Variants in TNNT2 observed in about 807,000 individuals in gnomAD.
TNNT2 encodes troponin T2, cardiac type.
A neutral mutation model predicts 62.4 loss-of-function variants in TNNT2; 34 were observed. The ratio of observed to expected loss-of-function variants is 0.54; its 90% CI spans 0.41 to 0.72. The LOEUF (loss-of-function observed/expected upper bound fraction) is 0.72, where lower values mean the gene tolerates loss of function less well. TNNT2 is among the 30% of genes least tolerant of loss of function. The probability of loss-of-function intolerance (pLI) is 0.00; values close to 1 mark genes in which losing one functional copy is unlikely to be tolerated. For missense variants in TNNT2, 275 were observed against 381.9 expected, an observed-to-expected ratio of 0.72 and a Z score of 2.33; for synonymous variants, 123 against 127.2, an observed-to-expected ratio of 0.97 and a Z score of 0.22.
intron 16 of TNNT2, 79 bp from the exon 17 acceptor site, chr1:201,359,334 G>A: frequency 5.2e-6 from 8 of 1,544,652 alleles, no homozygotes; most frequent in African/African-American, 1.4e-5. Context: ...TAGGACTGGG[G>A]TGCCAAAGGG....
At position 201,361,858 on chromosome 1, in the gene TNNT2, C is replaced by A. The variant is rs1571604401; in HGVS notation, c.719+55G>T. ...ACAGCAAGAAGTGCCCTTGGCCCGA[C>A]CCCTCCCAGAGCAGATGCGGGCAGT... On this transcript the variant is annotated intron_variant, in intron 14 of 16. Transcript: ENST00000656932. 10 of 1,526,782 alleles carry A rather than the reference C, an allele frequency of 6.5e-6. No homozygotes were observed. The East Asian group carries it at 1.8e-4, about 27-fold the overall frequency. 94.6% of individuals were successfully genotyped at this position (1,526,782 alleles called of 1,614,324 possible).
rs2102272131 is a variant in TNNT2 at position 201,366,587 on chromosome 1, C to T, written c.233+251G>A. On this transcript the variant is annotated intron_variant, in intron 8 of 16. Transcript: ENST00000656932. ...AGAGTGTCCGTTCAGGGCCCTTCCT[C>T]TAGAAGAACATAGCCCCATCCCTGC... 13 of 1,399,512 alleles carry T rather than the reference C, an allele frequency of 9.3e-6. No individual in the cohort carries two copies. The Middle Eastern group carries it at 1.3e-3, about 145-fold the overall frequency. 86.7% of individuals were successfully genotyped at this position (1,399,512 alleles called of 1,614,324 possible). A position where few individuals can be genotyped will look rare whatever the true frequency, so the allele number is the denominator to read the frequency against.
chr1:201,373,258 C>A lies in TNNT2; in HGVS notation c.-4G>T, dbSNP rs1223074484. ...CCACCTCTTCTATGTCAGACATGGT[C>A]TCTGCTCTCCCTCCAAAAGGAGAAA... On this transcript the variant is annotated 5_prime_UTR_variant, in exon 2 of 17. Transcript: ENST00000656932. The A allele has an allele frequency of 6.2e-7, 1 of 1,614,100 alleles. No homozygotes were observed. Among genetic ancestry groups the A allele is most frequent in the Non-Finnish European group, 8.5e-7 (1 of 1,179,992 alleles).
intron 8 of TNNT2, chr1:201,366,353 C>G: frequency 1.1e-6 from 1 of 927,686 alleles, no homozygotes; most frequent in Non-Finnish European, 1.2e-6. Flanking sequence ...GAAATGCTCC[C>G]TATCCCCCAG....
chr1:201,363,050 G>T (rs1658979042), intron 12 of TNNT2: 1 of 907,978 alleles, frequency 1.1e-6, no homozygotes, highest in African/African-American at 1.8e-5. Context: ...AGCCAGGCAT[G>T]GGGGGCACCA....
Position 201,370,479 on chromosome 1 carries a change from G to A in TNNT2, c.68-634C>T, listed in dbSNP as rs369808094. On this transcript the variant is annotated intron_variant, in intron 4 of 16. Transcript: ENST00000656932. ...AAGGAAAGAGGCTGCATCTACAACA[G>A]TTGTTCTACGTACAAATATCTGCCC... Among the ~76,000 whole-genome samples, 9 of 152,308 alleles carry A rather than the reference G, an allele frequency of 5.9e-5. No homozygotes were observed. The East Asian group carries it at 1.5e-3, about 26-fold the overall frequency.
intron 1 of TNNT2, chr1:201,373,878 G>T (rs1022400135): frequency 6.0e-6 from 1 of 165,344 alleles, no homozygotes; most frequent in Non-Finnish European, 1.3e-5. Flanking sequence ...CATTCCATGT[G>T]TGCTGGACAA....
Position 201,368,568 on chromosome 1 carries a change from C to G in TNNT2, c.98-341G>C, listed in dbSNP as rs984511988. On this transcript the variant is annotated intron_variant, in intron 5 of 16. Coordinates refer to ENST00000656932, the MANE Select transcript of TNNT2 (RefSeq NM_001276345.2). ...GTGTCCAGAAGCTCCTGTCCTGAAC[C>G]TAGTGACTCTAGACACCCTCAATCC... The G allele has an allele frequency of 2.9e-5, 13 of 455,740 alleles. No individual in the cohort carries two copies. The Admixed American group carries it at 2.9e-4, about 10-fold the overall frequency. The allele number at this position is 455,740 out of a possible 1,614,324, so 28.2% of individuals were successfully genotyped here.
At chr1:201,369,402 C>A in intron 5 of TNNT2, 1 of 476,062 alleles carries the variant, frequency 2.1e-6, no homozygotes, top group Non-Finnish European at 4.4e-6. Flanking sequence ...ACCCCCCAAC[C>A]AACACCTGGC....
chr1:201,365,820 A>C, intron 8 of TNNT2, 150 bp from the exon 9 acceptor site: 2 of 1,528,488 alleles, frequency 1.3e-6, no homozygotes, highest in Non-Finnish European at 1.8e-6. Flanking sequence ...GACGTCAACA[A>C]TGGCAGTCCT....
rs924912386 is a variant in TNNT2 at position 201,361,149 on chromosome 1, T to C, written c.810+130A>G. 3.7e-5 allele frequency: 32 copies of C among 871,168 alleles called. No individual in the cohort carries two copies. The East Asian group carries it at 7.7e-4, about 21-fold the overall frequency. 54.0% of individuals were successfully genotyped at this position (871,168 alleles called of 1,614,324 possible). On this transcript the variant is annotated intron_variant, in intron 15 of 16. Transcript: ENST00000656932. ...CTGAAGGCCAGGCAGCAGGGGCAGA[T>C]GCAGGAGCTGAAGGGGGCTGTTGGG... is the stretch of plus-strand genomic sequence containing the variant.
At chr1:201,359,476 G>C in intron 16 of TNNT2, 147 bp downstream of exon 16, 1 of 994,588 alleles carries the variant, frequency 1.0e-6, no homozygotes, top group Non-Finnish European at 1.6e-6. Flanking sequence ...ACGAGGCCCC[G>C]GAGGAGCCAG....
intron 10 of TNNT2, 92 bp from the exon 11 acceptor site, chr1:201,364,467 C>G (rs904041557): frequency 8.1e-6 from 11 of 1,352,610 alleles, no homozygotes; most frequent in Non-Finnish European, 9.3e-6. Context: ...AAGGGAATTC[C>G]TGGGGGAGGG....
At chr1:201,371,486 TG>T (rs1558246807) in intron 4 of TNNT2, among the ~76,000 whole-genome samples, 2 of 152,262 alleles carry the variant, frequency 1.3e-5, no homozygotes, top group Non-Finnish European at 2.9e-5. Flanking sequence ...TGGAATCTTT[TG>T]GGGCATATCA....
In TNNT2 at chr1:201,359,703, C is replaced by T. The variant is rs1338621277; in HGVS notation, c.811-40G>A. 5 of 1,563,544 alleles carry T rather than the reference C, an allele frequency of 3.2e-6. No homozygotes were observed. In the African/African-American group the frequency reaches 6.8e-5, roughly 21 times the overall value. On this transcript the variant is annotated intron_variant, in intron 15 of 16. Coordinates refer to ENST00000656932, the MANE Select transcript of TNNT2 (RefSeq NM_001276345.2). ...GGAAGGACAAAGAGCAACGCTGGAG[C>T]TGACTGGCTCAGGTCCCAGGTGGCC...
chr1:201,366,826 C>T lies in TNNT2; in HGVS notation c.233+12G>A. On this transcript the variant is annotated intron_variant, in intron 8 of 16. Coordinates refer to ENST00000656932, the MANE Select transcript of TNNT2 (RefSeq NM_001276345.2). Reference sequence around the variant, plus strand: ...TCTGCTCCCGGCTCTACCCAGGTGCCTCCCCACTCACCTGGGCTTTGGTTT... The same window carrying T: ...TCTGCTCCCGGCTCTACCCAGGTGCTTCCCCACTCACCTGGGCTTTGGTTT... The T allele has an allele frequency of 1.2e-6, 2 of 1,614,160 alleles. No homozygotes were observed. The highest frequency in any genetic ancestry group is 3.3e-4 in the Middle Eastern group (2 of 6,058).
intron 5 of TNNT2, among the ~76,000 whole-genome samples, chr1:201,368,608 C>T (rs1226763412): frequency 6.6e-6 from 1 of 152,198 alleles, no homozygotes; most frequent in African/African-American, 2.4e-5. Context: ...CTCAAAGAAA[C>T]CAAAAGAGTA....
intron 7 of TNNT2, chr1:201,367,390 G>A (rs1164113309): frequency 2.4e-6 from 1 of 422,236 alleles, no homozygotes; most frequent in Non-Finnish European, 4.4e-6. Flanking sequence ...GACGATGACT[G>A]CAGCAATGAC....
intron 15 of TNNT2, chr1:201,360,331 G>A (rs373180033): frequency 6.4e-6 from 1 of 156,098 alleles, no homozygotes; most frequent in South Asian, 2.0e-4. Context: ...TTGGAACAGT[G>A]GTTGGAACAC....
Sources: allele counts gnomAD v4.1 joint callset (sites outside exome capture counted in the v4.1 genomes callset), GRCh38; gene constraint gnomAD v4.1.1; transcripts MANE v1.5; gene names NCBI Gene and HGNC (gene_info 2026-07-23, HGNC 2026-07-21).